AGMO: variants seen among roughly 807,000 people sequenced by gnomAD.
The protein encoded by AGMO is alkylglycerol monooxygenase.
A neutral mutation model predicts 60.2 loss-of-function variants in AGMO; 75 were observed. That is an observed-to-expected ratio of 1.25 (90% CI 1.03 to 1.51). The LOEUF (loss-of-function observed/expected upper bound fraction) is 1.51. AGMO is among the 40% of genes most tolerant of loss of function. The pLI is 0.00. For missense variants in AGMO, 763 were observed against 525.5 expected, an observed-to-expected ratio of 1.45 and a Z score of -4.42; for synonymous variants, 261 against 177.1, an observed-to-expected ratio of 1.47 and a Z score of -3.76.
At chr7:15,449,648 C>T (rs1781806729) in intron 3 of AGMO, among the ~76,000 whole-genome samples, 1 of 152,112 alleles carries the variant, frequency 6.6e-6, no homozygotes, top group African/African-American at 2.4e-5. Context: ...TAAGTACACT[C>T]TATGAGGTTT....
chr7:15,219,447 A>G (rs1008281667), intron 12 of AGMO, among the ~76,000 whole-genome samples: 2 of 152,284 alleles, frequency 1.3e-5, no homozygotes, highest in South Asian at 4.1e-4. Context: ...AGGAGGAAGG[A>G]AAGTTTTGGG....
intron 12 of AGMO, among the ~76,000 whole-genome samples, chr7:15,233,239 T>C (rs1239696146): frequency 6.6e-6 from 1 of 152,208 alleles, no homozygotes; most frequent in East Asian, 1.9e-4. Flanking sequence ...AGAAGATTTA[T>C]GAAAAGCATG....
At chr7:15,495,903 CTCT>C (rs1287344684) in intron 3 of AGMO, among the ~76,000 whole-genome samples, 2 of 151,522 alleles carry the variant, frequency 1.3e-5, no homozygotes, top group Admixed American at 6.6e-5. Context: ...CTCACTCTTC[CTCT>C]TCTTCTTCTT....
intron 12 of AGMO, among the ~76,000 whole-genome samples, chr7:15,317,927 G>GTATATATATATATACACACACACACAC (rs1780984423): frequency 6.5e-4 from 82 of 126,766 alleles, no homozygotes; most frequent in African/African-American, 2.6e-3. Flanking sequence ...ATACACACAC[G>GTATATATATATATACACACACACACAC]TATATATATA....
chr7:15,354,273 T>C (rs1782364776), intron 12 of AGMO, among the ~76,000 whole-genome samples: 1 of 139,196 alleles, frequency 7.2e-6, no homozygotes, highest in African/African-American at 2.9e-5. Flanking sequence ...ACATGATAGA[T>C]GTATATCACG....
chr7:15,425,678 A>C (rs2128496551), intron 4 of AGMO, among the ~76,000 whole-genome samples: 1 of 152,250 alleles, frequency 6.6e-6, no homozygotes, highest in South Asian at 2.1e-4. Flanking sequence ...GGGCTCAAGC[A>C]ATCTGCCTGC....
chr7:15,558,941 A>G (rs1785227783), intron 2 of AGMO, among the ~76,000 whole-genome samples: 1 of 152,070 alleles, frequency 6.6e-6, no homozygotes, highest in African/African-American at 2.4e-5. Context: ...ACAAGAAGAA[A>G]TGGGTGGGAA....
intron 4 of AGMO, among the ~76,000 whole-genome samples, chr7:15,419,322 T>A (rs1349677292): frequency 1.3e-5 from 2 of 152,024 alleles, no homozygotes; most frequent in Non-Finnish European, 2.9e-5. Context: ...TAGAATTAAC[T>A]AATAAGCATG....
chr7:15,558,188 A>G (rs1785202093), intron 2 of AGMO, among the ~76,000 whole-genome samples: 1 of 152,090 alleles, frequency 6.6e-6, no homozygotes, highest in Admixed American at 6.6e-5. Flanking sequence ...TGTTATGATA[A>G]GAGAACAATC....
chr7:15,453,738 A>T (rs1781917011), intron 3 of AGMO, among the ~76,000 whole-genome samples: 1 of 152,138 alleles, frequency 6.6e-6, no homozygotes, highest in African/African-American at 2.4e-5. Flanking sequence ...AGGTCAGCAC[A>T]GGATATTTGT....
At chr7:15,156,488 G>A in the AGMO span, among the ~76,000 whole-genome samples, 39 of 152,234 alleles carry the variant, frequency 2.6e-4, no homozygotes, top group African/African-American at 9.1e-4. Context: ...AAACCCTCTG[G>A]GCTTAATGCA....
chr7:15,289,162 A>AGAG, intron 12 of AGMO, among the ~76,000 whole-genome samples: 1 of 152,118 alleles, frequency 6.6e-6, no homozygotes. Flanking sequence ...AAAGCAATTT[A>AGAG]CTTGTTTCAT....
At chr7:15,384,688 C>T (rs1783841597) in intron 10 of AGMO, among the ~76,000 whole-genome samples, 1 of 151,944 alleles carries the variant, frequency 6.6e-6, no homozygotes, top group African/African-American at 2.4e-5. Context: ...TTTAAACTCA[C>T]CTGTGATTCT....
intron 12 of AGMO, among the ~76,000 whole-genome samples, chr7:15,274,932 CTGTTT>C (rs1284652947): frequency 6.6e-6 from 1 of 151,382 alleles, no homozygotes; most frequent in Non-Finnish European, 1.5e-5. Flanking sequence ...CTTGAATCTT[CTGTTT>C]TTCTTCATTG....
At chr7:15,238,181 T>G (rs1206878168) in intron 12 of AGMO, among the ~76,000 whole-genome samples, 1 of 151,938 alleles carries the variant, frequency 6.6e-6, no homozygotes, top group Middle Eastern at 3.2e-3. Context: ...TTGAATAACT[T>G]TTTCATAGGC....
At chr7:15,299,952 C>G (rs1784520867) in intron 12 of AGMO, among the ~76,000 whole-genome samples, 1 of 150,998 alleles carries the variant, frequency 6.6e-6, no homozygotes, top group South Asian at 2.1e-4. Flanking sequence ...AAAGAACAGA[C>G]TATATGGGCA....
chr7:15,546,001 C>A (rs1008151181), intron 2 of AGMO, among the ~76,000 whole-genome samples: 2 of 151,986 alleles, frequency 1.3e-5, no homozygotes, highest in African/African-American at 4.8e-5. Context: ...AGAAGTGGTG[C>A]AGATTATTAT....
At chr7:15,227,873 T>C (rs1782136942) in intron 12 of AGMO, among the ~76,000 whole-genome samples, 1 of 152,080 alleles carries the variant, frequency 6.6e-6, no homozygotes. Flanking sequence ...TTCTGCCTCT[T>C]TGTAGGTCAA....
At chr7:15,181,098 G>T in the AGMO span, among the ~76,000 whole-genome samples, 3 of 152,046 alleles carry the variant, frequency 2.0e-5, no homozygotes, top group Non-Finnish European at 2.9e-5. Context: ...ACCTCTTAAA[G>T]GTTCCACCTC....
Sources: gnomAD v4.1 joint callset for allele counts (sites outside exome capture counted in the v4.1 genomes callset) on GRCh38, gnomAD v4.1.1 for gene constraint, MANE v1.5 for transcripts, NCBI Gene and HGNC (gene_info 2026-07-23, HGNC 2026-07-21) for gene names.